The following TRIP11 variants were observed in gnomAD, a reference collection of about 807,000 sequenced individuals.
The protein encoded by TRIP11 is thyroid hormone receptor interactor 11, also known as thyroid receptor-interacting protein 11.
TRIP11 carries 148 observed loss-of-function variants against 223.1 expected under a neutral mutation model. The observed-to-expected ratio is 0.66, with a 90% CI of 0.58 to 0.76. The LOEUF (loss-of-function observed/expected upper bound fraction) is 0.76, where lower values mean the gene tolerates loss of function less well. Among genes scored for constraint, TRIP11 ranks in the 30% least tolerant of loss-of-function variants. The probability of loss-of-function intolerance (pLI) is 0.00; values close to 1 mark genes in which losing one functional copy is unlikely to be tolerated. For missense variants in TRIP11, 2,043 were observed against 2,222.0 expected (o/e 0.92, Z 1.62); for synonymous variants, 762 against 772.6 (o/e 0.99, Z 0.23).
intron 9 of TRIP11, among the ~76,000 whole-genome samples, chr14:92,010,165 C>A (rs921199818): frequency 6.6e-6 from 1 of 152,170 alleles, no homozygotes; most frequent in African/African-American, 2.4e-5. Context: ...GAATCTTATT[C>A]CTTCCTTGCT....
chr14:91,992,945 A>C (rs2056697097), intron 15 of TRIP11, among the ~76,000 whole-genome samples: 1 of 142,546 alleles, frequency 7.0e-6, no homozygotes, highest in Non-Finnish European at 1.5e-5. Context: ...AAAAAAGACA[A>C]GTTTCTCCTA....
chr14:91,994,348 T>G (rs2056720881), intron 14 of TRIP11, among the ~76,000 whole-genome samples: 2 of 143,166 alleles, frequency 1.4e-5, no homozygotes, highest in Non-Finnish European at 3.0e-5. Flanking sequence ...CACTGCAACC[T>G]CCTCCTCCAG....
At chr14:91,990,380 T>C (rs566008819) in intron 15 of TRIP11, among the ~76,000 whole-genome samples, 367 of 152,338 alleles carry the variant, frequency 2.4e-3, no homozygotes, top group Admixed American at 4.4e-3. Flanking sequence ...ACCAGTTGTT[T>C]GGTTTTTATT....
rs772423130 is a variant in TRIP11 at position 92,026,458 on chromosome 14, T to C, written c.202-1038A>G. 261 of 698,168 alleles carry C rather than the reference T, an allele frequency of 3.7e-4. 1 individual carries two copies. The highest frequency in any genetic ancestry group is 1.2e-3 in the Middle Eastern group (3 of 2,488). The allele number at this position is 698,168 out of a possible 1,614,324, so 43.2% of individuals were successfully genotyped here. ...GCTCTGAAAAGCCATCTTTGCATTG[T>C]TCCTCGTCCGCCTCCTTGCTCGCCG... On this transcript the variant is annotated intron_variant, in intron 2 of 20. Transcript: ENST00000267622.
intron 4 of TRIP11, among the ~76,000 whole-genome samples, chr14:92,018,097 CTT>C (rs560446477): frequency 3.3e-4 from 46 of 139,132 alleles, no homozygotes; most frequent in Non-Finnish European, 2.7e-4. Context: ...TTTTTCCTTT[CTT>C]TTTTTTTTTT....
intron 20 of TRIP11, 40 bp downstream of exon 20, chr14:91,972,677 C>T (rs2056414204): frequency 6.4e-7 from 1 of 1,573,084 alleles, no homozygotes; most frequent in Non-Finnish European, 8.7e-7. Context: ...ATTAAACATT[C>T]AATTTTCAAA....
intron 9 of TRIP11, among the ~76,000 whole-genome samples, chr14:92,009,080 G>C (rs897033535): frequency 2.6e-5 from 4 of 152,120 alleles, no homozygotes; most frequent in African/African-American, 9.7e-5. Flanking sequence ...CTGAAAGATG[G>C]AAACAGCATT....
intron 18 of TRIP11, 139 bp from the exon 19 acceptor site, chr14:91,974,882 A>T (rs1446725610): frequency 1.3e-6 from 1 of 762,752 alleles, no homozygotes; most frequent in East Asian, 2.7e-5. Flanking sequence ...CTACTGATAG[A>T]GTCTACAAAT....
rs146072111 is a variant in TRIP11 at position 92,038,913 on chromosome 14, T to C, written c.139+634A>G. On this transcript the variant is annotated intron_variant, in intron 1 of 20. Transcript: ENST00000267622. Reference sequence around the variant, plus strand: ...TGAGGACTTCAAAAATGAGTGAAGATTGCTAAGGGTACCTTAAGAATAGGG... The same window carrying C: ...TGAGGACTTCAAAAATGAGTGAAGACTGCTAAGGGTACCTTAAGAATAGGG... 2.2e-3 allele frequency among the ~76,000 whole-genome samples: 342 copies of C among 152,310 alleles called. 1 individual carries two copies. Among genetic ancestry groups the C allele is most frequent in the African/African-American group, 7.0e-3 (292 of 41,562 alleles).
At chr14:91,975,353 A>G in intron 17 of TRIP11, 67 bp from the exon 18 acceptor site, 1 of 1,017,952 alleles carries the variant, frequency 9.8e-7, no homozygotes. Flanking sequence ...CACTAAGCAT[A>G]GAAATATTTA....
rs754629333 is a variant in TRIP11 at position 91,969,890 on chromosome 14, G to C, written c.5723C>G (p.Thr1908Arg). The C allele has an allele frequency of 1.2e-5, 19 of 1,613,306 alleles. No homozygotes were observed. The highest frequency in any genetic ancestry group is 1.5e-5 in the Non-Finnish European group (18 of 1,179,682). ...TCTTCTACCAGACCTGGATTCTGCT[G>C]TATCTAAAGAATAAAATATGGATTT... ...DTNAPESFKD[T>R]AESRSGRRTD... Residue 1908 changes from threonine to arginine, a missense_variant, in exon 21 of 21, where the codon ACA becomes AGA. Coordinates refer to ENST00000267622, the MANE Select transcript of TRIP11 (RefSeq NM_004239.4).
At chr14:91,995,319 T>C in intron 14 of TRIP11, 33 bp downstream of exon 14, 2 of 1,611,772 alleles carry the variant, frequency 1.2e-6, no homozygotes, top group South Asian at 2.2e-5. Context: ...AACTACAATT[T>C]TTCTTCATTG....
In TRIP11 at chr14:91,966,407, T is replaced by C. The variant is rs2056342745; in HGVS notation, c.*3266A>G. ...ATGGAAGATGTCTTGAATACTTCAA[T>C]ATGTGGAAAACTTCATTATCTTTAA... On this transcript the variant is annotated 3_prime_UTR_variant, in exon 21 of 21. Transcript: ENST00000267622. 1 of 187,194 alleles carries C rather than the reference T, an allele frequency of 5.3e-6. No homozygotes were observed. Among genetic ancestry groups the C allele is most frequent in the Non-Finnish European group, 1.1e-5 (1 of 88,700 alleles). The allele number at this position is 187,194 out of a possible 1,614,324, so 11.6% of individuals were successfully genotyped here. A position where few individuals can be genotyped will look rare whatever the true frequency, so the allele number is the denominator to read the frequency against.
chr14:91,973,593 T>C (rs1029874094), intron 19 of TRIP11, among the ~76,000 whole-genome samples: 1 of 152,206 alleles, frequency 6.6e-6, no homozygotes, highest in Non-Finnish European at 1.5e-5. Context: ...TAACAAAAGA[T>C]CACAAATAAC....
At chr14:92,015,910 T>G in intron 5 of TRIP11, 49 bp from the exon 6 acceptor site, 2 of 1,489,860 alleles carry the variant, frequency 1.3e-6, no homozygotes, top group Non-Finnish European at 1.8e-6. Flanking sequence ...AATAAATTTA[T>G]GTAAGCTATA....
chr14:92,025,177 C>G, intron 3 of TRIP11, 133 bp downstream of exon 3: 1 of 719,144 alleles, frequency 1.4e-6, no homozygotes, highest in East Asian at 2.8e-5. Flanking sequence ...CAAACTGAGT[C>G]GAAAATCATT....
chr14:92,007,814 T>C lies in TRIP11; in HGVS notation c.1353A>G (p.Glu451=). 6.2e-7 allele frequency: 1 copy of C among 1,612,758 alleles called. No individual in the cohort carries two copies. Among genetic ancestry groups the C allele is most frequent in the Non-Finnish European group, 8.5e-7 (1 of 1,179,514 alleles). The change falls in exon 10 of 21, where the codon GAA becomes GAG. Residue 451 remains glutamate, a synonymous_variant. Transcript: ENST00000267622. ...LQMSLLKLNN[E]YEVIKSTATR... is the part of the protein sequence containing the mutation. ...TAGCTGTACTTTTAATTACTTCATA[T>C]TCATTGTTCAATTTTAAAAGTGACA...
intron 13 of TRIP11, among the ~76,000 whole-genome samples, chr14:91,998,802 C>T (rs990832779): frequency 6.6e-6 from 1 of 152,128 alleles, no homozygotes; most frequent in African/African-American, 2.4e-5. Flanking sequence ...ATTCTTCATA[C>T]TGACCTTGGT....
intron 8 of TRIP11, among the ~76,000 whole-genome samples, chr14:92,011,426 G>C (rs2056970754): frequency 6.8e-6 from 1 of 146,346 alleles, no homozygotes; most frequent in Non-Finnish European, 1.5e-5. Flanking sequence ...GGGAGGTGGA[G>C]GTTGCGGAGA....
Sources: allele counts gnomAD v4.1 joint callset (sites outside exome capture counted in the v4.1 genomes callset), GRCh38; gene constraint gnomAD v4.1.1; transcripts MANE v1.5; gene names NCBI Gene and HGNC (gene_info 2026-07-23, HGNC 2026-07-21).